Variants in TRPC7 observed in about 807,000 individuals in gnomAD.
The protein encoded by TRPC7 is transient receptor potential cation channel subfamily C member 7, also known as short transient receptor potential channel 7.
TRPC7 carries 42 observed loss-of-function variants against 90.1 expected under a neutral mutation model. That is an observed-to-expected ratio of 0.47 (90% CI 0.36 to 0.60). The LOEUF is 0.60. TRPC7 is among the 20% of genes least tolerant of loss of function. The pLI is 0.00. For missense variants in TRPC7, 955 were observed against 1,112.3 expected (o/e 0.86, Z 2.01); for synonymous variants, 451 against 436.3 (o/e 1.03, Z -0.42).
intron 5 of TRPC7, among the ~76,000 whole-genome samples, chr5:136,264,489 G>A (rs1188969044): frequency 6.6e-6 from 1 of 152,160 alleles, no homozygotes; most frequent in Non-Finnish European, 1.5e-5. Flanking sequence ...GAATTGTGAA[G>A]TTAAGACCAC....
At chr5:136,262,033 A>G (rs906613787) in intron 5 of TRPC7, among the ~76,000 whole-genome samples, 2 of 152,158 alleles carry the variant, frequency 1.3e-5, no homozygotes, top group Admixed American at 6.5e-5. Flanking sequence ...CTCACATCCC[A>G]TATACAATCC....
At chr5:136,357,485 A>G (rs1760430496) in intron 1 of TRPC7, 100 bp from the exon 2 acceptor site, 3 of 1,230,606 alleles carry the variant, frequency 2.4e-6, no homozygotes, top group Admixed American at 2.7e-5. Flanking sequence ...TCATGCTTGG[A>G]ATCTTATGAG....
intron 4 of TRPC7, among the ~76,000 whole-genome samples, chr5:136,271,029 T>G (rs1344668630): frequency 6.6e-6 from 1 of 152,202 alleles, no homozygotes; most frequent in Non-Finnish European, 1.5e-5. Context: ...CTGAACCACA[T>G]GGTTTGAGGA....
chr5:136,341,670 G>A (rs968870158), intron 2 of TRPC7, among the ~76,000 whole-genome samples: 1 of 152,132 alleles, frequency 6.6e-6, no homozygotes, highest in Non-Finnish European at 1.5e-5. Context: ...TTAAAAAATT[G>A]AAAAGAAGAT....
chr5:136,216,179 G>A, intron 11 of TRPC7, 21 bp downstream of exon 11: 1 of 1,600,372 alleles, frequency 6.2e-7, no homozygotes, highest in Non-Finnish European at 8.5e-7. Flanking sequence ...TCACCACGTG[G>A]GTGGAAATCC....
chr5:136,340,892 T>C (rs1251980051), intron 2 of TRPC7, among the ~76,000 whole-genome samples: 2 of 152,230 alleles, frequency 1.3e-5, no homozygotes, highest in East Asian at 1.9e-4. Flanking sequence ...GTCTTACTTA[T>C]AAAAGAAATT....
chr5:136,245,703 G>A (rs1161864127), intron 7 of TRPC7, among the ~76,000 whole-genome samples: 1 of 152,210 alleles, frequency 6.6e-6, no homozygotes, highest in Non-Finnish European at 1.5e-5. Context: ...TTGGCCAAGA[G>A]CTTGGTGAAG....
intron 4 of TRPC7, among the ~76,000 whole-genome samples, chr5:136,268,656 T>A (rs1025411105): frequency 2.6e-5 from 4 of 152,236 alleles, no homozygotes; most frequent in African/African-American, 9.6e-5. Flanking sequence ...CTTCAAGCTG[T>A]TATCTTCTAG....
chr5:136,249,765 C>T (rs138032464), intron 6 of TRPC7, among the ~76,000 whole-genome samples: 100 of 152,302 alleles, frequency 6.6e-4, no homozygotes, highest in African/African-American at 2.4e-3. Context: ...AGAGCTATTT[C>T]CAAGAGAAAA....
At chr5:136,323,264 G>C (rs891725013) in intron 2 of TRPC7, among the ~76,000 whole-genome samples, 3 of 152,316 alleles carry the variant, frequency 2.0e-5, no homozygotes, top group Admixed American at 1.3e-4. Context: ...GTGGAACTGT[G>C]AGTTTATTAA....
At chr5:136,331,684 T>C (rs1759504987) in intron 2 of TRPC7, among the ~76,000 whole-genome samples, 1 of 152,210 alleles carries the variant, frequency 6.6e-6, no homozygotes, top group South Asian at 2.1e-4. Flanking sequence ...CAGTTCAGCA[T>C]GTGCTTACTG....
chr5:136,244,095 G>A lies in TRPC7; in HGVS notation c.1844+3376C>T, dbSNP rs183512488. On this transcript the variant is annotated intron_variant, in intron 7 of 11. Coordinates refer to ENST00000513104, the MANE Select transcript of TRPC7 (RefSeq NM_020389.3). The stretch of plus-strand genomic sequence containing the variant: ...CTAGTTGAGAATTGTGGCTAGGTCA[G>A]CCCTACTCTAAAGTCATAATCTCTC... Among the ~76,000 whole-genome samples, 16 of 152,042 alleles carry A rather than the reference G, an allele frequency of 1.1e-4. No individual in the cohort carries two copies. In the East Asian group the frequency reaches 2.9e-3, roughly 28 times the overall value.
chr5:136,225,154 T>C (rs900299208), intron 10 of TRPC7, 120 bp downstream of exon 10: 4 of 856,764 alleles, frequency 4.7e-6, no homozygotes, highest in Admixed American at 5.3e-5. Flanking sequence ...TAAATATTTG[T>C]ACAATAAAGG....
At chr5:136,293,596 C>T (rs1438584373) in intron 3 of TRPC7, among the ~76,000 whole-genome samples, 1 of 152,068 alleles carries the variant, frequency 6.6e-6, no homozygotes, top group Non-Finnish European at 1.5e-5. Context: ...ATGTGAAGGA[C>T]CTCTTCAAGG....
chr5:136,325,025 G>A (rs1447076610), intron 2 of TRPC7, among the ~76,000 whole-genome samples: 1 of 151,784 alleles, frequency 6.6e-6, no homozygotes, highest in Non-Finnish European at 1.5e-5. Context: ...GTGTACAGCT[G>A]TAAACCTGGG....
intron 2 of TRPC7, among the ~76,000 whole-genome samples, chr5:136,324,715 A>T (rs953192076): frequency 6.6e-6 from 1 of 152,204 alleles, no homozygotes; most frequent in Admixed American, 6.5e-5. Flanking sequence ...ACTTTCATTA[A>T]AAAGTTCAAC....
intron 7 of TRPC7, among the ~76,000 whole-genome samples, chr5:136,232,852 G>A (rs912329661): frequency 6.6e-6 from 1 of 152,008 alleles, no homozygotes; most frequent in African/African-American, 2.4e-5. Context: ...TGGTACCACT[G>A]TAAGAAAGCA....
intron 3 of TRPC7, among the ~76,000 whole-genome samples, chr5:136,310,651 A>G (rs1371821721): frequency 6.6e-6 from 1 of 152,170 alleles, no homozygotes; most frequent in East Asian, 1.9e-4. Context: ...CTGCATCCCA[A>G]GATGCTAGAA....
At chr5:136,360,483 T>A (rs1482264934) in intron 1 of TRPC7, among the ~76,000 whole-genome samples, 1 of 143,224 alleles carries the variant, frequency 7.0e-6, no homozygotes, top group Admixed American at 7.0e-5. Context: ...TCAAAAAAAA[T>A]ATGTGTATAG....
Sources: gnomAD v4.1 joint callset for allele counts (sites outside exome capture counted in the v4.1 genomes callset) on GRCh38, gnomAD v4.1.1 for gene constraint, MANE v1.5 for transcripts, NCBI Gene and HGNC (gene_info 2026-07-23, HGNC 2026-07-21) for gene names.